Variants in AIDA observed in about 807,000 individuals in gnomAD.
The protein encoded by AIDA is axin interactor, dorsalization associated.
In AIDA, 18 loss-of-function variants were observed where a neutral mutation model predicts 42.7. That is an observed-to-expected ratio of 0.42 (90% CI 0.29 to 0.63). The LOEUF (loss-of-function observed/expected upper bound fraction) is 0.63. AIDA is among the 20% of genes least tolerant of loss of function. AIDA has a pLI of 0.19. For synonymous variants in AIDA, 104 were observed against 122.9 expected (o/e 0.85, Z 1.02); for missense variants, 250 against 354.1 (o/e 0.71, Z 2.36).
At chr1:222,685,649 G>T (rs533241017) in intron 6 of AIDA, among the ~76,000 whole-genome samples, 1 of 152,172 alleles carries the variant, frequency 6.6e-6, no homozygotes, top group African/African-American at 2.4e-5. Flanking sequence ...TATAAGAACA[G>T]AACAGAGTAA....
intron 4 of AIDA, among the ~76,000 whole-genome samples, chr1:222,687,986 GCCT>G (rs1449574507): frequency 6.6e-6 from 1 of 152,078 alleles, no homozygotes; most frequent in Non-Finnish European, 1.5e-5. Flanking sequence ...AAAAGAGAAT[GCCT>G]CCTCCCTATA....
At chr1:222,689,481 GTATATATATATATA>G (rs1183093082) in intron 4 of AIDA, among the ~76,000 whole-genome samples, 653 of 35,372 alleles carry the variant, frequency 0.018, 28 homozygotes, top group African/African-American at 0.038. Flanking sequence ...GTGTGTGTGT[GTATATATATATATA>G]TATATATATA....
In AIDA at chr1:222,684,048, C is replaced by T. The variant is rs562284286; in HGVS notation, c.460+2882G>A. The stretch of plus-strand genomic sequence containing the variant: ...ATACCCTCACACCTCATTATCTTAA[C>T]AGTGGTAGTGGTTAGTATATGAGTT... On this transcript the variant is annotated intron_variant, in intron 6 of 9. Transcript: ENST00000340020. 2.0e-5 allele frequency among the ~76,000 whole-genome samples: 3 copies of T among 152,088 alleles called. No individual in the cohort carries two copies. The South Asian group carries it at 6.2e-4, about 32-fold the overall frequency.
intron 2 of AIDA, among the ~76,000 whole-genome samples, chr1:222,701,677 T>A (rs1655709705): frequency 6.6e-6 from 1 of 152,176 alleles, no homozygotes; most frequent in Admixed American, 6.5e-5. Flanking sequence ...ATATCTATTG[T>A]GTATATTAGG....
chr1:222,692,757 C>T (rs1283328430), intron 4 of AIDA, among the ~76,000 whole-genome samples: 1 of 152,222 alleles, frequency 6.6e-6, no homozygotes, highest in East Asian at 1.9e-4. Context: ...GATGGGACAT[C>T]TGAGGGACTT....
intron 2 of AIDA, among the ~76,000 whole-genome samples, chr1:222,702,484 T>C (rs1214075310): frequency 6.6e-6 from 1 of 152,138 alleles, no homozygotes; most frequent in Non-Finnish European, 1.5e-5. Context: ...CTTTTAAAGC[T>C]TCAGTCGCCC....
At chr1:222,697,043 A>G (rs1655539530) in intron 2 of AIDA, among the ~76,000 whole-genome samples, 1 of 151,978 alleles carries the variant, frequency 6.6e-6, no homozygotes, top group Admixed American at 6.6e-5. Context: ...CCCAGGCTCA[A>G]GCGATTCTCC....
intron 2 of AIDA, among the ~76,000 whole-genome samples, chr1:222,701,032 A>G (rs555680016): frequency 3.4e-4 from 49 of 143,010 alleles, no homozygotes; most frequent in African/African-American, 1.3e-3. Flanking sequence ...GCATGATCTC[A>G]GCTCACTGCA....
intron 2 of AIDA, 53 bp downstream of exon 2, chr1:222,703,088 TCAAAAGA>T: frequency 7.2e-7 from 1 of 1,397,104 alleles, no homozygotes; most frequent in Non-Finnish European, 9.8e-7. Flanking sequence ...CTTAATGAAC[TCAAAAGA>T]CAAAACACTT....
At chr1:222,706,505 G>A (rs1189291405) in intron 1 of AIDA, among the ~76,000 whole-genome samples, 1 of 150,846 alleles carries the variant, frequency 6.6e-6, no homozygotes, top group Admixed American at 6.6e-5. Context: ...AAAAAAAAAA[G>A]CAATGACACA....
chr1:222,703,298 C>A, intron 1 of AIDA, 81 bp from the exon 2 acceptor site: 2 of 1,018,724 alleles, frequency 2.0e-6, no homozygotes, highest in Non-Finnish European at 1.4e-6. Context: ...AGCTTTTTAA[C>A]ATGTGAAGTA....
intron 4 of AIDA, among the ~76,000 whole-genome samples, chr1:222,689,479 G>GTATATA (rs1293070735): frequency 1.1e-4 from 5 of 45,234 alleles, no homozygotes; most frequent in South Asian, 5.4e-4. Context: ...ATGTGTGTGT[G>GTATATA]TGTATATATA....
chr1:222,700,474 C>T (rs957507256), intron 2 of AIDA, among the ~76,000 whole-genome samples: 5 of 152,178 alleles, frequency 3.3e-5, no homozygotes, highest in East Asian at 3.9e-4. Context: ...ATCTGTGGGT[C>T]GGGCCGGGCG....
chr1:222,699,077 G>C (rs558750486), intron 2 of AIDA, among the ~76,000 whole-genome samples: 2 of 151,746 alleles, frequency 1.3e-5, no homozygotes, highest in African/African-American at 4.8e-5. Flanking sequence ...TGCCTCACTC[G>C]GCCTCCCAAA....
intron 6 of AIDA, among the ~76,000 whole-genome samples, chr1:222,678,814 C>T (rs1452163482): frequency 6.6e-6 from 1 of 152,174 alleles, no homozygotes; most frequent in Non-Finnish European, 1.5e-5. Context: ...TCAACTCCTA[C>T]ACTCCCTTTG....
intron 4 of AIDA, among the ~76,000 whole-genome samples, chr1:222,689,467 GTA>G (rs1161077413): frequency 1.1e-4 from 7 of 66,572 alleles, no homozygotes; most frequent in African/African-American, 3.6e-4. Flanking sequence ...AAGAAAATAT[GTA>G]TGTGTGTGTG....
At chr1:222,703,122 T>TA in intron 2 of AIDA, 26 bp downstream of exon 2, 1 of 1,555,178 alleles carries the variant, frequency 6.4e-7, no homozygotes, top group Admixed American at 2.0e-5. Context: ...TGGAATCTGA[T>TA]ATATCTAGAG....
intron 4 of AIDA, among the ~76,000 whole-genome samples, chr1:222,689,479 GTGTATA>G (rs1406492969): frequency 0.019 from 874 of 45,210 alleles, 21 homozygotes; most frequent in African/African-American, 0.044. Context: ...ATGTGTGTGT[GTGTATA>G]TATATATATA....
chr1:222,694,380 A>G (rs1235996314), intron 2 of AIDA, 117 bp from the exon 3 acceptor site: 5 of 903,058 alleles, frequency 5.5e-6, no homozygotes, highest in Non-Finnish European at 8.7e-6. Context: ...GTTAAATTTT[A>G]TTTCTTTCTA....
Sources: allele counts gnomAD v4.1 joint callset (sites outside exome capture counted in the v4.1 genomes callset), GRCh38; gene constraint gnomAD v4.1.1; transcripts MANE v1.5; gene names NCBI Gene and HGNC (gene_info 2026-07-23, HGNC 2026-07-21).